NT5C3A: variants seen among roughly 807,000 people sequenced by gnomAD.
The protein encoded by NT5C3A is cytosolic 5'-nucleotidase 3A.
In NT5C3A, 23 loss-of-function variants were observed where a neutral mutation model predicts 40.0. The ratio of observed to expected loss-of-function variants is 0.58; its 90% CI spans 0.41 to 0.81. The LOEUF (loss-of-function observed/expected upper bound fraction) is 0.81, where lower values mean the gene tolerates loss of function less well. Ranked by LOEUF, NT5C3A falls within the 40% of genes least tolerant of loss-of-function variation. The pLI is 0.00. For synonymous variants in NT5C3A, 130 were observed against 141.4 expected, an observed-to-expected ratio of 0.92 and a Z score of 0.57; for missense variants, 328 against 403.0, an observed-to-expected ratio of 0.81 and a Z score of 1.59.
At chr7:33,019,286 T>G (rs1186947135) in intron 6 of NT5C3A, among the ~76,000 whole-genome samples, 1 of 152,104 alleles carries the variant, frequency 6.6e-6, no homozygotes. Context: ...CTTAAATCCC[T>G]TTTAACTTGA....
intron 1 of NT5C3A, among the ~76,000 whole-genome samples, chr7:33,042,352 C>A (rs1014120212): frequency 8.7e-4 from 132 of 151,872 alleles, no homozygotes; most frequent in Middle Eastern, 6.8e-3. Flanking sequence ...AACAAAAAAA[C>A]CCCAAAAAAA....
intron 2 of NT5C3A, among the ~76,000 whole-genome samples, chr7:33,026,443 C>T (rs190898026): frequency 3.3e-5 from 5 of 151,732 alleles, no homozygotes; most frequent in Non-Finnish European, 7.4e-5. Flanking sequence ...CAAACTCCGC[C>T]TCCCGGGGTT....
intron 1 of NT5C3A, among the ~76,000 whole-genome samples, chr7:33,033,799 A>G (rs1301463327): frequency 6.6e-6 from 1 of 151,764 alleles, no homozygotes; most frequent in Non-Finnish European, 1.5e-5. Context: ...GTGCATGTAA[A>G]AAGTCTGGAC....
intron 1 of NT5C3A, among the ~76,000 whole-genome samples, chr7:33,058,637 C>T (rs139493363): frequency 4.6e-5 from 7 of 152,344 alleles, no homozygotes; most frequent in Non-Finnish European, 1.0e-4. Flanking sequence ...AGGCGGGAGC[C>T]GCCGCGCCTG....
Position 33,014,610 on chromosome 7 carries a change from G to C in NT5C3A, c.*120C>G, listed in dbSNP as rs902551964. 8 of 1,448,222 alleles carry C rather than the reference G, an allele frequency of 5.5e-6. No individual in the cohort carries two copies. Among genetic ancestry groups the C allele is most frequent in the Non-Finnish European group, 7.5e-6 (8 of 1,065,384 alleles). The allele number at this position is 1,448,222 out of a possible 1,614,324, so 89.7% of individuals were successfully genotyped here. A position where few individuals can be genotyped will look rare whatever the true frequency, so the allele number is the denominator to read the frequency against. Reference sequence around the variant, plus strand: ...ATTCACCATATCTGAAAATACTTCAGTTATACAAAGGGAACACTTCGAGAG... The same window carrying C: ...ATTCACCATATCTGAAAATACTTCACTTATACAAAGGGAACACTTCGAGAG... On this transcript the variant is annotated 3_prime_UTR_variant, in exon 9 of 9. Coordinates refer to ENST00000610140, the MANE Select transcript of NT5C3A (RefSeq NM_001002010.5).
intron 1 of NT5C3A, chr7:33,029,132 T>C (rs1315916285): frequency 6.6e-6 from 1 of 152,480 alleles, no homozygotes; most frequent in East Asian, 1.9e-4. Context: ...CAACTAACCT[T>C]GATGTAGTAA....
rs577907732 is a variant in NT5C3A, at chr7:33,014,552, G to A, written c.*178C>T. 4.2e-4 allele frequency: 359 copies of A among 846,022 alleles called. No individual in the cohort carries two copies. The highest frequency in any genetic ancestry group is 7.1e-4 in the Middle Eastern group (2 of 2,822). The allele number at this position is 846,022 out of a possible 1,614,324, so 52.4% of individuals were successfully genotyped here. A position where few individuals can be genotyped will look rare whatever the true frequency, so the allele number is the denominator to read the frequency against. On this transcript the variant is annotated 3_prime_UTR_variant, in exon 9 of 9. Coordinates refer to ENST00000610140, the MANE Select transcript of NT5C3A (RefSeq NM_001002010.5). ...AAAGATACGGTGAGGAGTGTGTTGAGAGAGGTGGAGAAAAGGAGCTTCCAG... is the reference window on the plus strand; with the variant it reads ...AAAGATACGGTGAGGAGTGTGTTGAAAGAGGTGGAGAAAAGGAGCTTCCAG...
chr7:33,043,766 T>C (rs1456325083), intron 1 of NT5C3A, among the ~76,000 whole-genome samples: 2 of 152,060 alleles, frequency 1.3e-5, no homozygotes, highest in African/African-American at 2.4e-5. Flanking sequence ...AGTGTGTATG[T>C]GGTAGGAGTG....
intron 7 of NT5C3A, among the ~76,000 whole-genome samples, chr7:33,017,010 C>T (rs1046279373): frequency 6.6e-6 from 1 of 151,836 alleles, no homozygotes; most frequent in Non-Finnish European, 1.5e-5. Context: ...TGGTGAAACC[C>T]TATCTCTACC....
At chr7:33,034,835 G>A (rs1341529130) in intron 1 of NT5C3A, among the ~76,000 whole-genome samples, 1 of 152,176 alleles carries the variant, frequency 6.6e-6, no homozygotes, top group African/African-American at 2.4e-5. Flanking sequence ...AACAGAAGAG[G>A]AGGCACAACA....
At chr7:33,030,577 G>A (rs1436114791) in intron 1 of NT5C3A, among the ~76,000 whole-genome samples, 1 of 152,156 alleles carries the variant, frequency 6.6e-6, no homozygotes, top group Non-Finnish European at 1.5e-5. Flanking sequence ...AAATGTTGGG[G>A]AGGGAGCAAT....
chr7:33,026,353 G>GAAGAAA (rs1554290722), intron 2 of NT5C3A, among the ~76,000 whole-genome samples: 9 of 94,156 alleles, frequency 9.6e-5, no homozygotes, highest in East Asian at 7.1e-4. Flanking sequence ...CATCTCAAAA[G>GAAGAAA]AAAAAAAAAA....
chr7:33,050,397 C>G (rs572158026), intron 1 of NT5C3A, among the ~76,000 whole-genome samples: 1 of 152,324 alleles, frequency 6.6e-6, no homozygotes, highest in South Asian at 2.1e-4. Context: ...CTTGGGTTCT[C>G]AACTTTTTCC....
chr7:33,050,959 T>C (rs1032349697), intron 1 of NT5C3A, among the ~76,000 whole-genome samples: 3 of 152,172 alleles, frequency 2.0e-5, no homozygotes, highest in Non-Finnish European at 4.4e-5. Context: ...ATTTCCCTAC[T>C]GCTGTTTTTA....
At chr7:33,056,280 G>T (rs1221325785) in intron 1 of NT5C3A, among the ~76,000 whole-genome samples, 4 of 151,490 alleles carry the variant, frequency 2.6e-5, no homozygotes, top group Non-Finnish European at 4.4e-5. Context: ...TTCAAAACAG[G>T]TCCTAAAAAG....
intron 6 of NT5C3A, among the ~76,000 whole-genome samples, chr7:33,019,117 T>A (rs1785492535): frequency 6.6e-6 from 1 of 151,898 alleles, no homozygotes; most frequent in Admixed American, 6.6e-5. Context: ...TAGCCAGGCA[T>A]GGTGGTGCAT....
chr7:33,034,295 T>C (rs1280946757), intron 1 of NT5C3A, among the ~76,000 whole-genome samples: 1 of 152,216 alleles, frequency 6.6e-6, no homozygotes, highest in Non-Finnish European at 1.5e-5. Flanking sequence ...TTCAACAGTC[T>C]GAATAACTGT....
intron 1 of NT5C3A, among the ~76,000 whole-genome samples, chr7:33,059,786 A>C (rs1787707057): frequency 6.6e-6 from 1 of 152,212 alleles, no homozygotes; most frequent in Non-Finnish European, 1.5e-5. Context: ...TATCTCGGAA[A>C]TGTTTGTCTC....
intron 4 of NT5C3A, 125 bp downstream of exon 4, chr7:33,021,928 A>G: frequency 1.4e-6 from 1 of 693,020 alleles, no homozygotes; most frequent in Non-Finnish European, 2.7e-6. Flanking sequence ...AGTGCTTACT[A>G]TGTGCCAGGT....
Sources: gnomAD v4.1 joint callset for allele counts (sites outside exome capture counted in the v4.1 genomes callset) on GRCh38, gnomAD v4.1.1 for gene constraint, MANE v1.5 for transcripts, NCBI Gene and HGNC (gene_info 2026-07-23, HGNC 2026-07-21) for gene names.